The following ELK3 variants were observed in gnomAD, a reference collection of about 807,000 sequenced individuals.
ELK3 encodes the protein ETS domain-containing protein Elk-3.
ELK3 carries 10 observed loss-of-function variants against 28.9 expected under a neutral mutation model. That is an observed-to-expected ratio of 0.35 (90% confidence interval 0.21 to 0.59). The LOEUF is 0.59. Among genes scored for constraint, ELK3 ranks in the 20% least tolerant of loss-of-function variants. The probability of loss-of-function intolerance (pLI) is 0.82; values close to 1 mark genes in which losing one functional copy is unlikely to be tolerated. For synonymous variants in ELK3, 272 were observed against 243.5 expected, an observed-to-expected ratio of 1.12 and a Z score of -1.09; for missense variants, 463 against 517.3, an observed-to-expected ratio of 0.90 and a Z score of 1.02.
At chr12:96,257,725 A>G (rs1951961612) in intron 3 of ELK3, among the ~76,000 whole-genome samples, 1 of 152,236 alleles carries the variant, frequency 6.6e-6, no homozygotes, top group South Asian at 2.1e-4. Context: ...ATTAGTTTTC[A>G]GAACACCTGA....
intron 2 of ELK3, among the ~76,000 whole-genome samples, chr12:96,239,124 AC>A (rs1565786760): frequency 6.6e-6 from 1 of 152,240 alleles, no homozygotes; most frequent in Non-Finnish European, 1.5e-5. Context: ...TATCAAATAT[AC>A]ATTCTTTAAT....
chr12:96,219,398 C>T (rs531554459), intron 1 of ELK3, among the ~76,000 whole-genome samples: 1 of 152,110 alleles, frequency 6.6e-6, no homozygotes, highest in African/African-American at 2.4e-5. Flanking sequence ...GGCGTACCTC[C>T]CAGCATGATG....
At chr12:96,258,734 C>G (rs1322173436) in intron 3 of ELK3, among the ~76,000 whole-genome samples, 1 of 152,188 alleles carries the variant, frequency 6.6e-6, no homozygotes, top group Non-Finnish European at 1.5e-5. Context: ...GGCTTGCAGG[C>G]CAGGACTCCT....
intron 3 of ELK3, among the ~76,000 whole-genome samples, chr12:96,250,505 A>G (rs1396152068): frequency 2.0e-5 from 3 of 152,200 alleles, no homozygotes; most frequent in African/African-American, 7.2e-5. Flanking sequence ...GGGGTGCCCC[A>G]GAAACTCACC....
chr12:96,259,727 C>T lies in ELK3; in HGVS notation c.1003-4C>T, dbSNP rs1298395326. 6.2e-7 allele frequency: 1 copy of T among 1,605,952 alleles called. No homozygotes were observed. The highest frequency in any genetic ancestry group is 8.5e-7 in the Non-Finnish European group (1 of 1,176,136). On this transcript the variant is annotated splice_region_variant and splice_polypyrimidine_tract_variant and intron_variant, in intron 3 of 4. Coordinates refer to ENST00000228741, the MANE Select transcript of ELK3 (RefSeq NM_005230.4). ...TGAAGAAGTCTGTTTGCTTTACTTC[C>T]CAGACACCAAATGGATTGCTTCTGA...
intron 1 of ELK3, chr12:96,212,798 G>A (rs577557202): frequency 6.6e-6 from 1 of 152,206 alleles, no homozygotes; most frequent in South Asian, 2.1e-4. Context: ...GGTGAGCCAC[G>A]TGGCGGGATA....
At chr12:96,209,214 C>CA (rs1461740023) in intron 1 of ELK3, among the ~76,000 whole-genome samples, 1 of 152,164 alleles carries the variant, frequency 6.6e-6, no homozygotes, top group Non-Finnish European at 1.5e-5. Context: ...GAGGAGCTAA[C>CA]ACATGAGATT....
chr12:96,268,782 C>G lies in ELK3; in HGVS notation c.*1602C>G, dbSNP rs527243813. On this transcript the variant is annotated 3_prime_UTR_variant, in exon 5 of 5. Transcript: ENST00000228741. ...ACTATTGCTTTGACACTTAGAAATT[C>G]TGAGGTTTTTCAATTGGAATTGAGC... The G allele has an allele frequency of 6.6e-6, 1 of 152,258 alleles. No homozygotes were observed. The highest frequency in any genetic ancestry group is 2.1e-4 in the South Asian group (1 of 4,816). The allele number at this position is 152,258 out of a possible 1,614,324, so 9.4% of individuals were successfully genotyped here. A position where few individuals can be genotyped will look rare whatever the true frequency, so the allele number is the denominator to read the frequency against.
At chr12:96,261,836 C>T (rs1176406993) in intron 4 of ELK3, among the ~76,000 whole-genome samples, 1 of 152,112 alleles carries the variant, frequency 6.6e-6, no homozygotes, top group Non-Finnish European at 1.5e-5. Flanking sequence ...TTATCAGGAT[C>T]TCTGGGAGTT....
intron 4 of ELK3, among the ~76,000 whole-genome samples, chr12:96,262,017 CTTT>C (rs57348208): frequency 4.0e-4 from 46 of 115,616 alleles, no homozygotes; most frequent in East Asian, 1.3e-3. Context: ...CTGATAAAAA[CTTT>C]TTTTTTTTTT....
intron 4 of ELK3, among the ~76,000 whole-genome samples, chr12:96,263,571 T>C (rs1952008789): frequency 6.6e-6 from 1 of 152,184 alleles, no homozygotes; most frequent in African/African-American, 2.4e-5. Flanking sequence ...ACAAGGACTG[T>C]AGGGACAGAG....
In ELK3 at chr12:96,259,839, AG is replaced by A; in HGVS notation, c.1112del (p.Ser371ThrfsTer48). On this transcript the variant is annotated frameshift_variant, in exon 4 of 5. Transcript: ENST00000228741. LOFTEE classifies it high-confidence loss of function. The part of the protein sequence containing the change: ...PLSPARLQGP[S>X]TLFQFPTLLN... ...GAGTCCTGCCAGGCTGCAAGGGCCA[AG>A]CACGCTGTTCCAGGTGAGCGTTTGG... 6.2e-7 allele frequency: 1 copy of A among 1,603,412 alleles called. No individual in the cohort carries two copies. The highest frequency in any genetic ancestry group is 8.5e-7 in the Non-Finnish European group (1 of 1,176,060).
intron 2 of ELK3, among the ~76,000 whole-genome samples, chr12:96,229,059 T>C (rs1951723726): frequency 6.6e-6 from 1 of 152,250 alleles, no homozygotes; most frequent in African/African-American, 2.4e-5. Flanking sequence ...GCACCACTTT[T>C]GTCGCTCTGG....
At chr12:96,237,836 G>A (rs991275353) in intron 2 of ELK3, among the ~76,000 whole-genome samples, 2 of 152,344 alleles carry the variant, frequency 1.3e-5, no homozygotes, top group Non-Finnish European at 2.9e-5. Flanking sequence ...TTTGCTTGTC[G>A]GAGAGATACA....
intron 1 of ELK3, among the ~76,000 whole-genome samples, chr12:96,201,793 G>A (rs1951509564): frequency 6.6e-6 from 1 of 152,132 alleles, no homozygotes; most frequent in African/African-American, 2.4e-5. Flanking sequence ...ATTTTGTGGT[G>A]GAAAAGGGGG....
At chr12:96,259,276 G>A (rs542841757) in intron 3 of ELK3, among the ~76,000 whole-genome samples, 30 of 152,288 alleles carry the variant, frequency 2.0e-4, no homozygotes, top group African/African-American at 7.2e-4. Context: ...AGCCAGCCAG[G>A]TATGGTGGCT....
intron 3 of ELK3, among the ~76,000 whole-genome samples, chr12:96,254,031 A>C (rs758864381): frequency 1.8e-4 from 27 of 152,252 alleles, no homozygotes; most frequent in Non-Finnish European, 3.4e-4. Context: ...TGGATTGGAA[A>C]TTAACTGCTA....
intron 1 of ELK3, among the ~76,000 whole-genome samples, chr12:96,200,015 G>T (rs1191236119): frequency 6.6e-6 from 1 of 151,920 alleles, no homozygotes; most frequent in African/African-American, 2.4e-5. Flanking sequence ...GTGTAATATG[G>T]GAGTGATGGG....
At chr12:96,221,684 C>T (rs1412614917) in intron 1 of ELK3, among the ~76,000 whole-genome samples, 1 of 152,188 alleles carries the variant, frequency 6.6e-6, no homozygotes, top group African/African-American at 2.4e-5. Context: ...AGTTGGGACT[C>T]GTCAGCTGCC....
Sources: gnomAD v4.1 joint callset for allele counts (sites outside exome capture counted in the v4.1 genomes callset) on GRCh38, gnomAD v4.1.1 for gene constraint, MANE v1.5 for transcripts, NCBI Gene and HGNC (gene_info 2026-07-23, HGNC 2026-07-21) for gene names.